COL25A1: variants seen among roughly 807,000 people sequenced by gnomAD.
The protein encoded by COL25A1 is collagen type XXV alpha 1 chain.
A neutral mutation model predicts 128.4 loss-of-function variants in COL25A1; 103 were observed. The observed-to-expected ratio is 0.80, with a 90% CI of 0.68 to 0.94. The LOEUF (loss-of-function observed/expected upper bound fraction) is 0.94, where lower values mean the gene tolerates loss of function less well. Ranked by LOEUF, COL25A1 falls within the 40% of genes least tolerant of loss-of-function variation. The pLI is 0.00. For missense variants in COL25A1, 745 were observed against 840.0 expected (o/e 0.89, Z 1.40); for synonymous variants, 279 against 277.2 (o/e 1.01, Z -0.06).
At chr4:108,985,668 A>G (rs1023639579) in intron 6 of COL25A1, among the ~76,000 whole-genome samples, 1 of 152,214 alleles carries the variant, frequency 6.6e-6, no homozygotes, top group African/African-American at 2.4e-5. Flanking sequence ...AACTAAAACC[A>G]AATAAACTGG....
intron 3 of COL25A1, among the ~76,000 whole-genome samples, chr4:109,242,933 T>C (rs1468602160): frequency 6.6e-6 from 1 of 152,072 alleles, no homozygotes; most frequent in Non-Finnish European, 1.5e-5. Context: ...TAAAATCTAC[T>C]CTTTTAGCAA....
intron 13 of COL25A1, among the ~76,000 whole-genome samples, chr4:108,908,347 T>G (rs1326185231): frequency 6.6e-6 from 1 of 152,174 alleles, no homozygotes; most frequent in Non-Finnish European, 1.5e-5. Flanking sequence ...TCCACCTCAC[T>G]GTCCTCTTTC....
intron 3 of COL25A1, among the ~76,000 whole-genome samples, chr4:109,211,896 G>C (rs1041694829): frequency 6.6e-6 from 1 of 152,132 alleles, no homozygotes; most frequent in East Asian, 1.9e-4. Context: ...CCTGAAGAAT[G>C]CTATAGCAGG....
Position 109,301,915 on chromosome 4 carries a change from G to C in COL25A1, c.105C>G (p.Ala35=). The change falls in exon 2 of 38, where the codon GCC becomes GCG. Residue 35 remains alanine, a synonymous_variant. Coordinates refer to ENST00000399132, the MANE Select transcript of COL25A1 (RefSeq NM_198721.4). ...CCACTGACAGGAGGGCCGCCAGGAC[G>C]GCACACGGGGGCATGGTCCGGGCAC... ...QHCARTMPPC[A]VLAALLSVVA... The C allele has an allele frequency of 6.2e-7, 1 of 1,614,124 alleles. No homozygotes were observed. The highest frequency in any genetic ancestry group is 8.5e-7 in the Non-Finnish European group (1 of 1,180,046).
intron 16 of COL25A1, 93 bp downstream of exon 16, chr4:108,896,574 C>T (rs1326266431): frequency 3.0e-6 from 3 of 1,009,112 alleles, no homozygotes; most frequent in Non-Finnish European, 4.7e-6. Flanking sequence ...TTAAGCAACT[C>T]TCACTCATCT....
At chr4:109,263,611 C>T (rs1178129762) in intron 3 of COL25A1, among the ~76,000 whole-genome samples, 2 of 152,220 alleles carry the variant, frequency 1.3e-5, no homozygotes, top group African/African-American at 2.4e-5. Context: ...TAGCTCTGTT[C>T]GCTTGGAAAT....
chr4:108,979,270 T>C (rs981972546), intron 6 of COL25A1, among the ~76,000 whole-genome samples: 1 of 152,226 alleles, frequency 6.6e-6, no homozygotes, highest in African/African-American at 2.4e-5. Flanking sequence ...ACTAAGGTTT[T>C]AGCTTTTTTC....
chr4:109,136,098 T>C (rs1769715317), intron 3 of COL25A1, among the ~76,000 whole-genome samples: 1 of 152,178 alleles, frequency 6.6e-6, no homozygotes, highest in South Asian at 2.1e-4. Context: ...AAAGGGCACA[T>C]GATTTAAAAT....
intron 19 of COL25A1, among the ~76,000 whole-genome samples, chr4:108,872,661 T>C (rs896654162): frequency 1.3e-5 from 2 of 151,870 alleles, no homozygotes; most frequent in Non-Finnish European, 2.9e-5. Flanking sequence ...TTGCCTTCTA[T>C]TAAGTCAGGC....
At chr4:109,272,744 G>T (rs182903246) in intron 3 of COL25A1, among the ~76,000 whole-genome samples, 1 of 152,144 alleles carries the variant, frequency 6.6e-6, no homozygotes, top group African/African-American at 2.4e-5. Context: ...TGGAAGATTT[G>T]CAGGGAGCGT....
intron 3 of COL25A1, among the ~76,000 whole-genome samples, chr4:109,217,155 A>C (rs1402248628): frequency 6.6e-6 from 1 of 152,140 alleles, no homozygotes; most frequent in African/African-American, 2.4e-5. Flanking sequence ...ACTAAAGTTC[A>C]ATCTCTTACC....
chr4:108,918,178 C>T lies in COL25A1; in HGVS notation c.774G>A (p.Gly258=). The part of the protein sequence containing the change: ...IGAPGIPGMN[G]QKGEPGLPGA... ...AATATTCTATAGAACTCACCTTTTG[C>T]CCATTCATCCCTGGAATTCCAGGTG... The change falls in exon 13 of 38, where the codon GGG becomes GGA. Residue 258 remains glycine, a synonymous_variant. Coordinates refer to ENST00000399132, the MANE Select transcript of COL25A1 (RefSeq NM_198721.4). The T allele has an allele frequency of 6.3e-7, 1 of 1,593,860 alleles. No homozygotes were observed. The highest frequency in any genetic ancestry group is 8.6e-7 in the Non-Finnish European group (1 of 1,167,174).
intron 18 of COL25A1, 146 bp from the exon 19 acceptor site, chr4:108,884,368 A>T (rs547628102): frequency 4.3e-6 from 3 of 697,544 alleles, no homozygotes; most frequent in African/African-American, 3.6e-5. Flanking sequence ...TGATGAGATT[A>T]TGCAATTCAG....
intron 3 of COL25A1, among the ~76,000 whole-genome samples, chr4:109,234,212 C>T (rs1172851730): frequency 6.6e-6 from 1 of 152,070 alleles, no homozygotes; most frequent in Non-Finnish European, 1.5e-5. Context: ...AAAGGCCAAG[C>T]GTTAAAGATA....
intron 11 of COL25A1, among the ~76,000 whole-genome samples, chr4:108,922,366 A>G (rs898794686): frequency 1.8e-4 from 28 of 152,186 alleles, no homozygotes; most frequent in Middle Eastern, 3.2e-3. Context: ...AAAGGAAATC[A>G]TAGAACAAGG....
At chr4:109,137,655 T>C (rs1489496375) in intron 3 of COL25A1, among the ~76,000 whole-genome samples, 1 of 152,156 alleles carries the variant, frequency 6.6e-6, no homozygotes, top group Non-Finnish European at 1.5e-5. Context: ...TAGAAAACAA[T>C]ATAAGCTGCT....
intron 5 of COL25A1, among the ~76,000 whole-genome samples, chr4:109,043,185 G>A (rs1201245148): frequency 6.6e-6 from 1 of 152,040 alleles, no homozygotes; most frequent in African/African-American, 2.4e-5. Flanking sequence ...TATGTTAAGT[G>A]ACACATGGTA....
intron 3 of COL25A1, among the ~76,000 whole-genome samples, chr4:109,147,485 A>G (rs1047689290): frequency 5.3e-5 from 8 of 152,188 alleles, no homozygotes; most frequent in African/African-American, 1.9e-4. Context: ...GTTTTTTAAA[A>G]ATTCATTTTA....
intron 3 of COL25A1, among the ~76,000 whole-genome samples, chr4:109,076,200 C>T (rs1318046262): frequency 6.6e-6 from 1 of 151,900 alleles, no homozygotes; most frequent in Non-Finnish European, 1.5e-5. Context: ...CTGTTTCCCA[C>T]TGACACCAAG....
Sources: allele counts gnomAD v4.1 joint callset (sites outside exome capture counted in the v4.1 genomes callset), GRCh38; gene constraint gnomAD v4.1.1; transcripts MANE v1.5; gene names NCBI Gene and HGNC (gene_info 2026-07-23, HGNC 2026-07-21).